The following LDAH variants were observed in gnomAD, a reference collection of about 807,000 sequenced individuals.
LDAH encodes lipid droplet associated hydrolase.
In LDAH, 26 loss-of-function variants were observed where a neutral mutation model predicts 29.6. The observed-to-expected ratio is 0.88, with a 90% CI of 0.64 to 1.22. The LOEUF is 1.22. LDAH is among the 50% of genes most tolerant of loss of function. LDAH has a pLI of 0.00. For synonymous variants in LDAH, 117 were observed against 133.0 expected (o/e 0.88, Z 0.83); for missense variants, 344 against 387.3 (o/e 0.89, Z 0.94).
intron 4 of LDAH, among the ~76,000 whole-genome samples, chr2:20,768,944 G>A (rs1439094496): frequency 1.3e-5 from 2 of 152,064 alleles, no homozygotes; most frequent in African/African-American, 4.8e-5. Flanking sequence ...ATGCATGACT[G>A]CTATCATCAG....
chr2:20,702,316 A>T (rs985735905), intron 5 of LDAH, among the ~76,000 whole-genome samples: 2 of 152,146 alleles, frequency 1.3e-5, no homozygotes, highest in African/African-American at 4.8e-5. Flanking sequence ...GGCTGGTATT[A>T]TTATTCTTAT....
chr2:20,796,323 G>T (rs185544279), intron 2 of LDAH, among the ~76,000 whole-genome samples: 48 of 152,244 alleles, frequency 3.2e-4, no homozygotes, highest in Admixed American at 3.1e-3. Flanking sequence ...AAGAGTGAGG[G>T]AATAAATACT....
chr2:20,738,387 C>T (rs1361392838), intron 5 of LDAH, among the ~76,000 whole-genome samples: 1 of 147,712 alleles, frequency 6.8e-6, no homozygotes, highest in Non-Finnish European at 1.5e-5. Flanking sequence ...AGCATTGTAC[C>T]TAGGGTGGGT....
chr2:20,694,749 T>C (rs1327931565), intron 6 of LDAH, among the ~76,000 whole-genome samples: 1 of 152,230 alleles, frequency 6.6e-6, no homozygotes, highest in Admixed American at 6.5e-5. Flanking sequence ...TATGGGGCAC[T>C]GTGTGGCTCA....
intron 3 of LDAH, chr2:20,788,849 T>G (rs1338359001): frequency 3.2e-6 from 1 of 311,560 alleles, no homozygotes; most frequent in Non-Finnish European, 6.0e-6. Flanking sequence ...TTTTATAAAC[T>G]TATATTTAAG....
chr2:20,759,030 G>GT (rs1668510807), intron 4 of LDAH, among the ~76,000 whole-genome samples: 6 of 152,136 alleles, frequency 3.9e-5, no homozygotes, highest in Admixed American at 3.9e-4. Flanking sequence ...TTTCTCCTTT[G>GT]TAAGAGGTTA....
At chr2:20,695,402 T>C (rs35147496) in intron 6 of LDAH, among the ~76,000 whole-genome samples, 2 of 152,144 alleles carry the variant, frequency 1.3e-5, no homozygotes, top group African/African-American at 4.8e-5. Context: ...ACTAACTTTG[T>C]AATAGTAATA....
intron 1 of LDAH, among the ~76,000 whole-genome samples, chr2:20,815,320 T>A (rs1672774993): frequency 6.6e-6 from 1 of 151,618 alleles, no homozygotes; most frequent in Non-Finnish European, 1.5e-5. Flanking sequence ...CTAACATTCA[T>A]CCAATCAGAG....
At chr2:20,702,095 T>C (rs1015812704) in intron 5 of LDAH, among the ~76,000 whole-genome samples, 1 of 152,194 alleles carries the variant, frequency 6.6e-6, no homozygotes, top group Admixed American at 6.5e-5. Context: ...AAGGATTATT[T>C]ATCTTTAAAA....
At chr2:20,791,588 G>T (rs77198935) in intron 2 of LDAH, among the ~76,000 whole-genome samples, 8,575 of 152,182 alleles carry the variant, frequency 0.056, 339 homozygotes, top group East Asian at 0.15. Context: ...TTGTCAAATA[G>T]GATGAAAACT....
chr2:20,801,630 G>A (rs1038064707), intron 1 of LDAH, among the ~76,000 whole-genome samples, 165 bp from the exon 2 acceptor site: 3 of 152,132 alleles, frequency 2.0e-5, no homozygotes, highest in Non-Finnish European at 2.9e-5. Flanking sequence ...TGGATTATAC[G>A]ATTGCAAGAC....
At chr2:20,821,898 C>T (rs1173636003) in intron 1 of LDAH, among the ~76,000 whole-genome samples, 2 of 152,150 alleles carry the variant, frequency 1.3e-5, no homozygotes, top group Admixed American at 6.5e-5. Flanking sequence ...CCCTAGAATG[C>T]TACATGCTGG....
At chr2:20,706,677 C>T (rs1664323738) in intron 5 of LDAH, among the ~76,000 whole-genome samples, 7 of 150,680 alleles carry the variant, frequency 4.6e-5, no homozygotes. Flanking sequence ...ACTGGATTTA[C>T]CCTCCTACCT....
chr2:20,716,845 G>T (rs1300761872), intron 5 of LDAH, among the ~76,000 whole-genome samples: 1 of 95,222 alleles, frequency 1.1e-5, no homozygotes, highest in Admixed American at 1.2e-4. Flanking sequence ...AGCAATTTCG[G>T]AATTGGATTT....
intron 4 of LDAH, among the ~76,000 whole-genome samples, chr2:20,769,476 A>C (rs1377471897): frequency 6.6e-6 from 1 of 152,216 alleles, no homozygotes; most frequent in African/African-American, 2.4e-5. Flanking sequence ...TGCTTCTTAC[A>C]AGCATGTCTT....
intron 6 of LDAH, among the ~76,000 whole-genome samples, chr2:20,693,131 A>G (rs1663159646): frequency 6.6e-6 from 1 of 152,146 alleles, no homozygotes; most frequent in Non-Finnish European, 1.5e-5. Flanking sequence ...GTAAGACAGA[A>G]CTAGTTACCT....
intron 4 of LDAH, among the ~76,000 whole-genome samples, chr2:20,756,658 T>A (rs1668364572): frequency 6.6e-6 from 1 of 152,170 alleles, no homozygotes. Flanking sequence ...AAATATCCCC[T>A]ATTTCTCATT....
chr2:20,755,036 A>C (rs1180990032), intron 4 of LDAH, among the ~76,000 whole-genome samples: 1 of 152,106 alleles, frequency 6.6e-6, no homozygotes. Context: ...TCTTATTCTT[A>C]AGAACATCTT....
chr2:20,814,626 A>C (rs1672730411), intron 1 of LDAH, among the ~76,000 whole-genome samples: 1 of 152,148 alleles, frequency 6.6e-6, no homozygotes, highest in Non-Finnish European at 1.5e-5. Flanking sequence ...ATGCCTGGCT[A>C]ACTTTTTGTA....
Sources: gnomAD v4.1 joint callset for allele counts (sites outside exome capture counted in the v4.1 genomes callset) on GRCh38, gnomAD v4.1.1 for gene constraint, MANE v1.5 for transcripts, NCBI Gene and HGNC (gene_info 2026-07-23, HGNC 2026-07-21) for gene names.